The following TMEM236 variants were observed in gnomAD, a reference collection of about 807,000 sequenced individuals.
TMEM236 encodes the protein family with sequence similarity 23, member A.
Under a neutral mutation model 14.7 loss-of-function variants are expected in TMEM236, and 11 were observed. The observed-to-expected ratio is 0.75, with a 90% CI of 0.47 to 1.24. The LOEUF is 1.24. Among genes scored for constraint, TMEM236 ranks in the 50% most tolerant of loss-of-function variants. The probability of loss-of-function intolerance (pLI) is 0.00; values close to 1 mark genes in which losing one functional copy is unlikely to be tolerated. For missense variants in TMEM236, 464 were observed against 427.3 expected (o/e 1.09, Z -0.76); for synonymous variants, 182 against 168.6 (o/e 1.08, Z -0.62).
chr10:17,796,380 C>T lies in TMEM236; in HGVS notation c.932C>T (p.Ala311Val). 1.9e-6 allele frequency: 3 copies of T among 1,613,856 alleles called. No individual in the cohort carries two copies. The highest frequency in any genetic ancestry group is 1.7e-6 in the Non-Finnish European group (2 of 1,179,828). Residue 311 changes from alanine to valine, a missense_variant, in exon 4 of 4, where the codon GCC becomes GTC. Physicochemically the swap from Ala to Val is moderately conservative, Grantham distance 64. Coordinates refer to ENST00000377495, the MANE Select transcript of TMEM236 (RefSeq NM_001098844.3). ...FVFVRLGLII[A>V]LGTITPVLGL... ...TTTGTTAGACTTGGTTTAATCATTG[C>T]CCTGGGGACTATCACACCCGTACTG...
At chr10:17,795,508 C>T (rs1040367270) in intron 3 of TMEM236, among the ~76,000 whole-genome samples, 3 of 152,178 alleles carry the variant, frequency 2.0e-5, no homozygotes, top group Non-Finnish European at 2.9e-5. Context: ...AAAATGACTT[C>T]GGATCTGAAT....
intron 1 of TMEM236, among the ~76,000 whole-genome samples, chr10:17,767,014 A>G (rs1324995062): frequency 6.6e-6 from 1 of 152,146 alleles, no homozygotes; most frequent in African/African-American, 2.4e-5. Context: ...CACCAGTCAT[A>G]TTGGATTAGG....
At position 17,800,664 on chromosome 10, in the gene TMEM236, G is replaced by A. The variant is rs1341499094; in HGVS notation, c.*4160G>A. ...ATTGCCTTGTGCTGTGTACCTTGGA[G>A]CAGGGCCTTACATAGTGAATATATC... On this transcript the variant is annotated 3_prime_UTR_variant, in exon 4 of 4. Coordinates refer to ENST00000377495, the MANE Select transcript of TMEM236 (RefSeq NM_001098844.3). 4.6e-5 allele frequency: 7 copies of A among 152,096 alleles called. No homozygotes were observed. Among genetic ancestry groups the A allele is most frequent in the African/African-American group, 1.7e-4 (7 of 41,392 alleles). 9.4% of individuals were successfully genotyped at this position (152,096 alleles called of 1,614,324 possible).
intron 2 of TMEM236, among the ~76,000 whole-genome samples, chr10:17,775,262 A>G (rs1045164015): frequency 2.0e-5 from 3 of 151,928 alleles, no homozygotes; most frequent in Non-Finnish European, 2.9e-5. Flanking sequence ...GTTTTTTGTT[A>G]TTGTGGTTTG....
chr10:17,773,389 A>C (rs968093771), intron 2 of TMEM236, among the ~76,000 whole-genome samples: 5 of 152,166 alleles, frequency 3.3e-5, no homozygotes, highest in Non-Finnish European at 5.9e-5. Flanking sequence ...GCTGGAGTGC[A>C]GTGGTGCGTG....
chr10:17,765,407 A>T (rs2131744926), intron 1 of TMEM236, among the ~76,000 whole-genome samples: 1 of 152,284 alleles, frequency 6.6e-6, no homozygotes, highest in African/African-American at 2.4e-5. Flanking sequence ...TCTAAGTCCC[A>T]AATCTCAACT....
rs2131738759 is a variant in TMEM236, at chr10:17,755,747, T to C, written c.257+3195T>C. Among the ~76,000 whole-genome samples, 7 of 152,272 alleles carry C rather than the reference T, an allele frequency of 4.6e-5. 1 individual carries two copies. In the Middle Eastern group the frequency reaches 0.02, roughly 444 times the overall value. On this transcript the variant is annotated intron_variant, in intron 1 of 3. Transcript: ENST00000377495. The stretch of plus-strand genomic sequence containing the variant: ...TCAAATGACAACAGGAATAAACCAA[T>C]GGGAAACTGGCCCACCACAGCCCAG...
At chr10:17,765,422 A>G (rs1402038686) in intron 1 of TMEM236, among the ~76,000 whole-genome samples, 3 of 152,154 alleles carry the variant, frequency 2.0e-5, no homozygotes, top group South Asian at 4.1e-4. Flanking sequence ...TCAACTACAC[A>G]TCATCAACTC....
Position 17,752,351 on chromosome 10 carries a change from C to A in TMEM236, c.56C>A (p.Ala19Asp). 6.2e-7 allele frequency: 1 copy of A among 1,613,832 alleles called. No homozygotes were observed. The highest frequency in any genetic ancestry group is 1.1e-5 in the South Asian group (1 of 91,062). Residue 19 changes from alanine to aspartate, a missense_variant, in exon 1 of 4, where the codon GCT becomes GAT. Transcript: ENST00000377495. ...FVVFELLEFA[A>D]FSIPTLVITE... is the part of the protein sequence containing the mutation. ...GTTTTTGAGCTCCTAGAGTTTGCCG[C>A]TTTCTCCATCCCCACACTCGTGATC... is the stretch of plus-strand genomic sequence containing the variant.
At chr10:17,785,444 G>A (rs1837818758) in intron 3 of TMEM236, among the ~76,000 whole-genome samples, 1 of 152,128 alleles carries the variant, frequency 6.6e-6, no homozygotes, top group African/African-American at 2.4e-5. Flanking sequence ...CCAAGCACAG[G>A]CCAATCCAAA....
rs1838046985 is a variant in TMEM236 at position 17,798,230 on chromosome 10, A to T, written c.*1726A>T. 4.3e-6 allele frequency: 1 copy of T among 233,758 alleles called. No individual in the cohort carries two copies. The highest frequency in any genetic ancestry group is 8.5e-6 in the Non-Finnish European group (1 of 117,780). 14.5% of individuals were successfully genotyped at this position (233,758 alleles called of 1,614,324 possible). On this transcript the variant is annotated 3_prime_UTR_variant, in exon 4 of 4. Coordinates refer to ENST00000377495, the MANE Select transcript of TMEM236 (RefSeq NM_001098844.3). The stretch of plus-strand genomic sequence containing the variant: ...CATTAAGAATGAGACATATGGCTTA[A>T]GAATGAAGCTTAAGAATTTGACATA...
At chr10:17,773,955 G>T (rs1837615945) in intron 2 of TMEM236, among the ~76,000 whole-genome samples, 1 of 152,226 alleles carries the variant, frequency 6.6e-6, no homozygotes, top group Admixed American at 6.5e-5. Context: ...TAGTGCTTGG[G>T]TCACTCACTT....
intron 1 of TMEM236, among the ~76,000 whole-genome samples, chr10:17,758,913 G>A (rs1286895408): frequency 1.3e-5 from 2 of 152,192 alleles, no homozygotes; most frequent in Non-Finnish European, 2.9e-5. Flanking sequence ...GTTTTATTAT[G>A]TTATGGTTTT....
At chr10:17,770,414 C>T (rs917284705) in intron 1 of TMEM236, among the ~76,000 whole-genome samples, 12 of 152,158 alleles carry the variant, frequency 7.9e-5, no homozygotes, top group African/African-American at 1.2e-4. Context: ...GACAGAGTCT[C>T]GCTCTGTCGC....
chr10:17,777,318 A>T (rs958645151), intron 3 of TMEM236, among the ~76,000 whole-genome samples: 1 of 152,210 alleles, frequency 6.6e-6, no homozygotes, highest in Admixed American at 6.5e-5. Flanking sequence ...AGCCGGGGCC[A>T]TCTGTTGAGT....
intron 2 of TMEM236, among the ~76,000 whole-genome samples, chr10:17,773,313 G>GA (rs1459529980): frequency 4.6e-5 from 7 of 152,248 alleles, no homozygotes; most frequent in Middle Eastern, 3.4e-3. Flanking sequence ...AGCAGAGAAG[G>GA]AGCATTCACC....
At chr10:17,794,794 T>C (rs1437397326) in intron 3 of TMEM236, among the ~76,000 whole-genome samples, 2 of 152,132 alleles carry the variant, frequency 1.3e-5, no homozygotes, top group African/African-American at 4.8e-5. Flanking sequence ...TCCCAGCACT[T>C]TGGGAGACCA....
rs1838067084 is a variant in TMEM236 at position 17,799,699 on chromosome 10, A to G, written c.*3195A>G. ...CATTTATGATATTCCTAAATATGAA[A>G]ATATTTTGTGTAAGTATATATTTAT... On this transcript the variant is annotated 3_prime_UTR_variant, in exon 4 of 4. Coordinates refer to ENST00000377495, the MANE Select transcript of TMEM236 (RefSeq NM_001098844.3). 1.3e-5 allele frequency: 2 copies of G among 152,756 alleles called. No homozygotes were observed. Among genetic ancestry groups the G allele is most frequent in the Admixed American group, 1.3e-4 (2 of 15,300 alleles). 9.5% of individuals were successfully genotyped at this position (152,756 alleles called of 1,614,324 possible).
rs1837222808 is a variant in TMEM236 at position 17,752,435 on chromosome 10, A to G, written c.140A>G (p.Tyr47Cys). 1.7e-5 allele frequency: 28 copies of G among 1,613,952 alleles called. No individual in the cohort carries two copies. Among genetic ancestry groups the G allele is most frequent in the Admixed American group, 5.0e-5 (3 of 60,022 alleles). Reference protein sequence around the residue: ...GTRARSDNTHYWLIISCSIAY... With the variant: ...GTRARSDNTHCWLIISCSIAY... ...AGGGCTAGATCTGACAACACACACT[A>G]CTGGCTGATCATCTCCTGTTCTATT... Residue 47 changes from tyrosine (Y) to cysteine (C), a missense_variant, in exon 1 of 4, where the codon TAC (tyrosine) becomes TGC (cysteine). Physicochemically the swap from Tyr to Cys is radical, Grantham distance 194. Transcript: ENST00000377495.
Sources: gnomAD v4.1 joint callset for allele counts (sites outside exome capture counted in the v4.1 genomes callset) on GRCh38, gnomAD v4.1.1 for gene constraint, MANE v1.5 for transcripts, NCBI Gene and HGNC (gene_info 2026-07-23, HGNC 2026-07-21) for gene names.